The following NAV2 variants were observed in gnomAD, a reference collection of about 807,000 sequenced individuals.
NAV2 encodes helicase, APC down-regulated 1.
Under a neutral mutation model 223.2 loss-of-function variants are expected in NAV2, and 54 were observed. The ratio of observed to expected loss-of-function variants is 0.24; its 90% confidence interval spans 0.19 to 0.30. The LOEUF is 0.30. Ranked by LOEUF, NAV2 falls within the 10% of genes least tolerant of loss-of-function variation. NAV2 has a pLI of 1.00. For missense variants in NAV2, 2,806 were observed against 3,147.5 expected, an observed-to-expected ratio of 0.89 and a Z score of 2.60; for synonymous variants, 1,279 against 1,239.3, an observed-to-expected ratio of 1.03 and a Z score of -0.67.
chr11:19,856,146 G>T (rs2061398119), intron 3 of NAV2, among the ~76,000 whole-genome samples: 1 of 152,168 alleles, frequency 6.6e-6, no homozygotes, highest in Non-Finnish European at 1.5e-5. Context: ...AGCATTCTAT[G>T]ACAACTTAAA....
chr11:20,084,287 G>A (rs1400560663), intron 26 of NAV2, among the ~76,000 whole-genome samples: 3 of 152,116 alleles, frequency 2.0e-5, no homozygotes, highest in African/African-American at 4.8e-5. Flanking sequence ...TAGTAGAGAC[G>A]AGGTTTCACC....
At chr11:19,525,910 G>C (rs1015982680) in intron 1 of NAV2, among the ~76,000 whole-genome samples, 1 of 152,082 alleles carries the variant, frequency 6.6e-6, no homozygotes, top group South Asian at 2.1e-4. Flanking sequence ...CAGGCTTAGG[G>C]GAAGCTGGAC....
chr11:19,950,904 T>G (rs2047343493), intron 10 of NAV2, among the ~76,000 whole-genome samples: 1 of 152,188 alleles, frequency 6.6e-6, no homozygotes, highest in Admixed American at 6.5e-5. Flanking sequence ...AAAAAAGGTA[T>G]GATCTAATGC....
chr11:19,817,044 G>A (rs1043773285), intron 1 of NAV2, among the ~76,000 whole-genome samples: 2 of 151,936 alleles, frequency 1.3e-5, no homozygotes, highest in African/African-American at 4.8e-5. Flanking sequence ...CATCTCCCAG[G>A]GGAAATCCTT....
intron 1 of NAV2, chr11:19,519,605 A>T (rs1351581985): frequency 2.0e-4 from 31 of 152,152 alleles, no homozygotes; most frequent in Admixed American, 2.0e-3. Flanking sequence ...GAATGACAGA[A>T]TCCCCCTTTT....
intron 11 of NAV2, among the ~76,000 whole-genome samples, chr11:20,013,805 G>C (rs1309611504): frequency 6.6e-6 from 1 of 152,172 alleles, no homozygotes; most frequent in Non-Finnish European, 1.5e-5. Flanking sequence ...GAATTCAGTG[G>C]GAGATCTAGG....
intron 29 of NAV2, among the ~76,000 whole-genome samples, chr11:20,094,223 C>CTTTTTTTTTTTT (rs61099684): frequency 2.3e-4 from 20 of 88,518 alleles, no homozygotes; most frequent in Admixed American, 7.5e-4. Context: ...TTTTCTTTAT[C>CTTTTTTTTTTTT]TTTTTTTTTT....
rs142356101 is a variant in NAV2, at chr11:19,667,163, G to C, written c.76-165321G>C. ...ATTGTCACTGGGTTCTCAGAGCCAG[G>C]GCCTTGCACAGAGGATGTGCTTGTT... On this transcript the variant is annotated intron_variant, in intron 1 of 37. Transcript: ENST00000360655. 1.4e-3 allele frequency among the ~76,000 whole-genome samples: 210 copies of C among 152,268 alleles called. 4 individuals carry two copies. The highest frequency in any genetic ancestry group is 4.8e-3 in the African/African-American group (200 of 41,554).
chr11:19,895,104 C>CTTTTTTTTTTTT (rs71050690), intron 6 of NAV2, among the ~76,000 whole-genome samples: 140 of 99,210 alleles, frequency 1.4e-3, no homozygotes, highest in Non-Finnish European at 1.9e-3. Context: ...CTTTTTCTTT[C>CTTTTTTTTTTTT]TTTTTTTTTT....
At chr11:19,914,540 CTT>C (rs10707433) in intron 6 of NAV2, among the ~76,000 whole-genome samples, 25 of 141,590 alleles carry the variant, frequency 1.8e-4, no homozygotes, top group African/African-American at 2.1e-4. Context: ...TGTTCCTGTT[CTT>C]TTTTTTTTTT....
chr11:19,416,664 G>A (rs2702624), intron 1 of NAV2, among the ~76,000 whole-genome samples: 131,928 of 152,112 alleles, frequency 0.87, 57,875 homozygotes, highest in East Asian at 0.94. Flanking sequence ...AAAGAACAAA[G>A]CTGGAGGCAT....
intron 11 of NAV2, among the ~76,000 whole-genome samples, chr11:20,029,745 A>G (rs1406291898): frequency 6.6e-6 from 1 of 152,260 alleles, no homozygotes; most frequent in Admixed American, 6.5e-5. Context: ...GAAGAAACAT[A>G]GAAAATGTTT....
chr11:19,753,945 T>G (rs965400686), intron 1 of NAV2, among the ~76,000 whole-genome samples: 1 of 152,222 alleles, frequency 6.6e-6, no homozygotes, highest in African/African-American at 2.4e-5. Flanking sequence ...GTGGAGGTTT[T>G]GGTAATTCAT....
At chr11:19,736,669 C>G (rs1438654171) in intron 1 of NAV2, among the ~76,000 whole-genome samples, 1 of 152,212 alleles carries the variant, frequency 6.6e-6, no homozygotes, top group Admixed American at 6.5e-5. Flanking sequence ...GTGTCATCCA[C>G]CTCATAAAAG....
chr11:19,881,173 A>G (rs1424877801), intron 5 of NAV2, among the ~76,000 whole-genome samples: 1 of 152,154 alleles, frequency 6.6e-6, no homozygotes, highest in Non-Finnish European at 1.5e-5. Context: ...TTTTTTCCCC[A>G]TGAGAAGTGC....
intron 1 of NAV2, among the ~76,000 whole-genome samples, chr11:19,543,378 C>T (rs2044392416): frequency 6.6e-6 from 1 of 152,174 alleles, no homozygotes; most frequent in South Asian, 2.1e-4. Flanking sequence ...TGCATGCTGT[C>T]AACCAACGTA....
chr11:20,043,851 C>T (rs2057188113), intron 12 of NAV2, 130 bp from the exon 13 acceptor site: 1 of 799,996 alleles, frequency 1.3e-6, no homozygotes, highest in South Asian at 1.9e-5. Context: ...GTACAAAAGT[C>T]CAAACATCTT....
intron 1 of NAV2, among the ~76,000 whole-genome samples, chr11:19,423,839 G>A (rs1850715192): frequency 6.6e-6 from 1 of 152,172 alleles, no homozygotes; most frequent in African/African-American, 2.4e-5. Context: ...GACAGGTTTA[G>A]CCTTTTTGCT....
At chr11:19,835,792 T>C (rs543558918) in intron 2 of NAV2, among the ~76,000 whole-genome samples, 1 of 151,406 alleles carries the variant, frequency 6.6e-6, no homozygotes, top group East Asian at 1.9e-4. Context: ...TTTATATATA[T>C]CTACATAAAA....
Sources: gnomAD v4.1 joint callset for allele counts (sites outside exome capture counted in the v4.1 genomes callset) on GRCh38, gnomAD v4.1.1 for gene constraint, MANE v1.5 for transcripts, NCBI Gene and HGNC (gene_info 2026-07-23, HGNC 2026-07-21) for gene names.